The following GALNT13 variants were observed in gnomAD, a reference collection of about 807,000 sequenced individuals.
GALNT13 encodes UDP-GalNAc:polypeptide N-acetylgalactosaminyltransferase 13.
Under a neutral mutation model 64.2 loss-of-function variants are expected in GALNT13, and 28 were observed. The ratio of observed to expected loss-of-function variants is 0.44; its 90% CI spans 0.32 to 0.60. The LOEUF (loss-of-function observed/expected upper bound fraction) is 0.60. Ranked by LOEUF, GALNT13 falls within the 20% of genes least tolerant of loss-of-function variation. GALNT13 has a pLI of 0.05. For missense variants in GALNT13, 577 were observed against 669.8 expected (o/e 0.86, Z 1.53); for synonymous variants, 214 against 224.6 (o/e 0.95, Z 0.42).
At chr2:153,954,301 G>A (rs1369426850) in intron 3 of GALNT13, among the ~76,000 whole-genome samples, 2 of 152,072 alleles carry the variant, frequency 1.3e-5, no homozygotes, top group Non-Finnish European at 2.9e-5. Flanking sequence ...AAGTTATAAT[G>A]ACCACTGGAA....
chr2:154,437,269 C>T (rs770487594), intron 11 of GALNT13: 11 of 173,486 alleles, frequency 6.3e-5, no homozygotes, highest in East Asian at 1.9e-4. Context: ...TTGATTTTGC[C>T]GCTTCCTCTC....
intron 3 of GALNT13, among the ~76,000 whole-genome samples, chr2:154,101,266 GT>G (rs1373897274): frequency 6.6e-6 from 1 of 151,882 alleles, no homozygotes; most frequent in Non-Finnish European, 1.5e-5. Flanking sequence ...TTTTGGAATA[GT>G]TTCAGTAAGA....
chr2:154,319,459 A>G (rs890331089), intron 9 of GALNT13, among the ~76,000 whole-genome samples: 2 of 152,134 alleles, frequency 1.3e-5, no homozygotes, highest in Non-Finnish European at 2.9e-5. Context: ...TGAGGTCATC[A>G]GTAAAAGACC....
At chr2:153,828,193 C>T in the GALNT13 span, among the ~76,000 whole-genome samples, 1 of 152,208 alleles carries the variant, frequency 6.6e-6, no homozygotes, top group East Asian at 1.9e-4. Context: ...GTGGATCTAC[C>T]CTTCTGGGGT....
At chr2:154,394,923 G>C (rs977807251) in intron 9 of GALNT13, among the ~76,000 whole-genome samples, 1 of 152,196 alleles carries the variant, frequency 6.6e-6, no homozygotes, top group Non-Finnish European at 1.5e-5. Context: ...GAAGGTCGGA[G>C]CTAGTGAATG....
At chr2:154,385,604 AATAG>A (rs1188260145) in intron 9 of GALNT13, among the ~76,000 whole-genome samples, 1 of 151,974 alleles carries the variant, frequency 6.6e-6, no homozygotes, top group East Asian at 1.9e-4. Flanking sequence ...TAACAATAAT[AATAG>A]ATAAAAATGC....
chr2:154,318,251 A>G (rs1694430946), intron 9 of GALNT13, among the ~76,000 whole-genome samples: 1 of 152,186 alleles, frequency 6.6e-6, no homozygotes, highest in South Asian at 2.1e-4. Context: ...AGTTTGTGAT[A>G]CCTCAAAGTA....
intron 9 of GALNT13, among the ~76,000 whole-genome samples, chr2:154,310,511 A>G (rs1693975691): frequency 6.6e-6 from 1 of 152,220 alleles, no homozygotes; most frequent in Admixed American, 6.6e-5. Context: ...AGTGTTTTAC[A>G]TACTATTTGC....
At chr2:153,945,671 A>G (rs767784691) in intron 3 of GALNT13, among the ~76,000 whole-genome samples, 1 of 152,174 alleles carries the variant, frequency 6.6e-6, no homozygotes, top group African/African-American at 2.4e-5. Context: ...CATTAACACT[A>G]TCAGGTTACA....
chr2:154,142,602 T>A (rs1297884862), intron 4 of GALNT13, among the ~76,000 whole-genome samples: 1 of 150,432 alleles, frequency 6.6e-6, no homozygotes. Flanking sequence ...AAAACCCTGT[T>A]GAGATTCCAG....
chr2:154,420,042 T>G (rs1452301595), intron 11 of GALNT13, among the ~76,000 whole-genome samples: 1 of 152,088 alleles, frequency 6.6e-6, no homozygotes, highest in Non-Finnish European at 1.5e-5. Flanking sequence ...CCCAGAATAT[T>G]TGGAAAAACT....
At chr2:153,762,903 A>G in the GALNT13 span, among the ~76,000 whole-genome samples, 1 of 151,724 alleles carries the variant, frequency 6.6e-6, no homozygotes, top group Admixed American at 6.6e-5. Context: ...TTAAAAATCT[A>G]GTACAGATAT....
At chr2:153,140,122 T>C in the GALNT13 span, among the ~76,000 whole-genome samples, 1 of 152,060 alleles carries the variant, frequency 6.6e-6, no homozygotes, top group Non-Finnish European at 1.5e-5. Context: ...TTACGCCAGA[T>C]TTGAAGTAAA....
intron 11 of GALNT13, chr2:154,409,473 A>G (rs1306777014): frequency 4.5e-6 from 1 of 222,526 alleles, no homozygotes; most frequent in African/African-American, 2.3e-5. Context: ...TATGTATGTT[A>G]TGATTTTTAA....
At chr2:153,829,612 A>G in the GALNT13 span, among the ~76,000 whole-genome samples, 2 of 152,232 alleles carry the variant, frequency 1.3e-5, no homozygotes, top group South Asian at 4.1e-4. Flanking sequence ...TTTGGGTGGG[A>G]ACACAGCCAA....
intron 3 of GALNT13, among the ~76,000 whole-genome samples, chr2:154,069,194 A>G (rs1700620398): frequency 6.6e-6 from 1 of 152,074 alleles, no homozygotes; most frequent in Non-Finnish European, 1.5e-5. Flanking sequence ...CATTTATAGC[A>G]ATCTTCATTA....
At chr2:153,214,837 G>A in the GALNT13 span, among the ~76,000 whole-genome samples, 1 of 152,110 alleles carries the variant, frequency 6.6e-6, no homozygotes, top group Non-Finnish European at 1.5e-5. Flanking sequence ...AGAGTAAAAT[G>A]TCTAGTTTAC....
intron 4 of GALNT13, among the ~76,000 whole-genome samples, chr2:154,207,539 G>A (rs1052845525): frequency 6.6e-6 from 1 of 151,912 alleles, no homozygotes; most frequent in African/African-American, 2.4e-5. Flanking sequence ...ACATGTGCCT[G>A]GCAAATAATC....
At chr2:154,151,129 G>A (rs967060559) in intron 4 of GALNT13, among the ~76,000 whole-genome samples, 1 of 152,038 alleles carries the variant, frequency 6.6e-6, no homozygotes, top group African/African-American at 2.4e-5. Context: ...GGTATGTTGT[G>A]TCTTTGTTCT....
Sources: allele counts gnomAD v4.1 joint callset (sites outside exome capture counted in the v4.1 genomes callset), GRCh38; gene constraint gnomAD v4.1.1; transcripts MANE v1.5; gene names NCBI Gene and HGNC (gene_info 2026-07-23, HGNC 2026-07-21).